The following ZFP62 variants were observed in gnomAD, a reference collection of about 807,000 sequenced individuals.
The protein encoded by ZFP62 is zinc finger protein 62 homolog.
ZFP62 carries 44 observed loss-of-function variants against 56.4 expected under a neutral mutation model. The ratio of observed to expected loss-of-function variants is 0.78; its 90% CI spans 0.61 to 1.00. ZFP62 has a LOEUF of 1.00. Among genes scored for constraint, ZFP62 ranks in the 50% least tolerant of loss-of-function variants. The probability of loss-of-function intolerance (pLI) is 0.00; values close to 1 mark genes in which losing one functional copy is unlikely to be tolerated. For synonymous variants in ZFP62, 421 were observed against 388.9 expected (o/e 1.08, Z -0.97); for missense variants, 1,030 against 1,085.7 (o/e 0.95, Z 0.72).
chr5:180,859,522 A>G (rs1345929573), intron 1 of ZFP62, among the ~76,000 whole-genome samples: 1 of 152,254 alleles, frequency 6.6e-6, no homozygotes, highest in East Asian at 1.9e-4. Context: ...ATATAGAAAT[A>G]AGAATGAAAG....
the ZFP62 span, among the ~76,000 whole-genome samples, chr5:180,838,053 G>T: frequency 1.3e-5 from 2 of 152,170 alleles, no homozygotes. Flanking sequence ...AAACTTAACT[G>T]GACCTGTGTA....
chr5:180,847,552 C>T (rs561357875), downstream of ZFP62: 49 of 979,574 alleles, frequency 5.0e-5, no homozygotes, highest in African/African-American at 7.9e-4. Flanking sequence ...ATAACTTACC[C>T]AACAAAGATC....
chr5:180,840,931 T>C, the ZFP62 span, among the ~76,000 whole-genome samples: 2 of 152,056 alleles, frequency 1.3e-5, no homozygotes, highest in African/African-American at 4.8e-5. Flanking sequence ...TCTTTGTTTT[T>C]AGAGGAAAAA....
chr5:180,847,890 T>C lies in ZFP62; in HGVS notation c.*902A>G, dbSNP rs992708749. On this transcript the variant is annotated 3_prime_UTR_variant, in exon 2 of 2. Coordinates refer to ENST00000502412, the MANE Select transcript of ZFP62 (RefSeq NM_001172638.2). ...AAAATGCGTTCCTTCTCAGCATTTC[T>C]ATTCATAGGAATCCCTGAATCACTT... is the stretch of plus-strand genomic sequence containing the variant. 1 of 985,366 alleles carries C rather than the reference T, an allele frequency of 1.0e-6. No individual in the cohort carries two copies. Among genetic ancestry groups the C allele is most frequent in the Non-Finnish European group, 1.2e-6 (1 of 829,950 alleles). 61.0% of individuals were successfully genotyped at this position (985,366 alleles called of 1,614,324 possible). A position where few individuals can be genotyped will look rare whatever the true frequency, so the allele number is the denominator to read the frequency against.
chr5:180,858,257 CAA>C (rs1159409435), intron 1 of ZFP62, among the ~76,000 whole-genome samples: 2,824 of 40,242 alleles, frequency 0.07, 75 homozygotes, highest in African/African-American at 0.21. Flanking sequence ...AACTCTGTCT[CAA>C]AAAAAAAAAA....
At chr5:180,846,609 C>T (rs1420552152), downstream of ZFP62, among the ~76,000 whole-genome samples, 1 of 23,664 alleles carries the variant, frequency 4.2e-5, no homozygotes, top group Non-Finnish European at 9.3e-5. Context: ...CATCCTAGTT[C>T]CTACTCCTCT....
chr5:180,830,776 G>C, the ZFP62 span: 1 of 152,420 alleles, frequency 6.6e-6, no homozygotes, highest in Non-Finnish European at 1.5e-5. Flanking sequence ...TCAGCAGCTT[G>C]CCACAGGGAA....
chr5:180,843,811 T>C (rs1313165084), downstream of ZFP62, among the ~76,000 whole-genome samples: 1 of 152,252 alleles, frequency 6.6e-6, no homozygotes, highest in Non-Finnish European at 1.5e-5. Flanking sequence ...CTGCAGAACA[T>C]GCATTCTTTT....
At chr5:180,858,257 C>CAAAAAAAAAAAA (rs1159409435) in intron 1 of ZFP62, among the ~76,000 whole-genome samples, 5 of 40,266 alleles carry the variant, frequency 1.2e-4, no homozygotes, top group African/African-American at 3.2e-4. Flanking sequence ...AACTCTGTCT[C>CAAAAAAAAAAAA]AAAAAAAAAA....
At chr5:180,840,907 CA>C in the ZFP62 span, among the ~76,000 whole-genome samples, 1 of 151,754 alleles carries the variant, frequency 6.6e-6, no homozygotes, top group Non-Finnish European at 1.5e-5. Context: ...TCTGTTGTTA[CA>C]TGCTTGAGTC....
the ZFP62 span, among the ~76,000 whole-genome samples, chr5:180,827,625 G>C: frequency 2.5e-4 from 38 of 152,318 alleles, no homozygotes; most frequent in African/African-American, 9.1e-4. Context: ...CCATGTGATA[G>C]TCTGCAATAT....
intron 1 of ZFP62, among the ~76,000 whole-genome samples, chr5:180,854,104 C>G (rs1773851167): frequency 6.6e-6 from 1 of 152,194 alleles, no homozygotes; most frequent in African/African-American, 2.4e-5. Flanking sequence ...TCTAGTACCC[C>G]ATTCTGGGTC....
chr5:180,844,480 A>G (rs779400659), downstream of ZFP62, among the ~76,000 whole-genome samples: 41 of 152,190 alleles, frequency 2.7e-4, no homozygotes, highest in Non-Finnish European at 5.6e-4. Context: ...TTAAGATGGT[A>G]AAAGTCTGGC....
At chr5:180,827,134 G>A in the ZFP62 span, among the ~76,000 whole-genome samples, 1 of 152,190 alleles carries the variant, frequency 6.6e-6, no homozygotes, top group South Asian at 2.1e-4. Flanking sequence ...AACAAGACAA[G>A]CCTCTGTTTC....
chr5:180,844,790 A>G (rs1414013779), downstream of ZFP62, among the ~76,000 whole-genome samples: 4 of 152,162 alleles, frequency 2.6e-5, no homozygotes, highest in African/African-American at 9.7e-5. Context: ...TTTCTTCTCA[A>G]GTTTTGTCTG....
At position 180,851,261 on chromosome 5, in the gene ZFP62, T is replaced by C. The variant is rs970658558; in HGVS notation, c.234A>G (p.Thr78=). ...CTTCCTGTTCTGTCTTTATATTTGCTGTACTCTTGGCTTTGCTGATTGCTT... is the reference window on the plus strand; with the variant it reads ...CTTCCTGTTCTGTCTTTATATTTGCCGTACTCTTGGCTTTGCTGATTGCTT... ...IREAISKAKS[T]ANIKTEQEGE... The change falls in exon 2 of 2, where the codon ACA becomes ACG. Residue 78 remains threonine, a synonymous_variant. Coordinates refer to ENST00000502412, the MANE Select transcript of ZFP62 (RefSeq NM_001172638.2). The C allele has an allele frequency of 6.4e-7, 1 of 1,551,718 alleles. No homozygotes were observed. Among genetic ancestry groups the C allele is most frequent in the Non-Finnish European group, 8.7e-7 (1 of 1,147,002 alleles).
At position 180,848,850 on chromosome 5, in the gene ZFP62, T is replaced by C. The variant is rs1408595319; in HGVS notation, c.2645A>G (p.Lys882Arg). 7 of 1,551,258 alleles carry C rather than the reference T, an allele frequency of 4.5e-6. No homozygotes were observed. Among genetic ancestry groups the C allele is most frequent in the African/African-American group, 1.4e-5 (1 of 73,026 alleles). ...GGCATTCCCTCCCTCATAGGTTCTC[T>C]TCTGGGATGTGCCACTATAACTTCC... The part of the protein sequence containing the change: ...YVGSYSGTSQ[K>R]RTYEGGNALD... Residue 882 changes from lysine to arginine, a missense_variant, in exon 2 of 2, where the codon AAG becomes AGG. Transcript: ENST00000502412.
Position 180,849,171 on chromosome 5 carries a change from T to G in ZFP62, c.2324A>C (p.His775Pro). Residue 775 changes from histidine (H) to proline (P), a missense_variant, in exon 2 of 2, where the codon CAT (histidine) becomes CCT (proline). Physicochemically the swap from His to Pro is moderately conservative, Grantham distance 77 (BLOSUM62 -2). Coordinates refer to ENST00000502412, the MANE Select transcript of ZFP62 (RefSeq NM_001172638.2). ...AFRNSSGLTVHKRIHTGEKPY... is the reference protein window; with the variant it reads ...AFRNSSGLTVPKRIHTGEKPY... ...TTTCTCACCTGTGTGGATCCTTTTA[T>G]GCACTGTGAGGCCTGAGCTGTTCCT... is the stretch of plus-strand genomic sequence containing the variant. 1 of 1,563,966 alleles carries G rather than the reference T, an allele frequency of 6.4e-7. No individual in the cohort carries two copies. Among genetic ancestry groups the G allele is most frequent in the South Asian group, 1.2e-5 (1 of 84,816 alleles).
At position 180,847,678 on chromosome 5, in the gene ZFP62, C is replaced by G. The variant is rs1319732333; in HGVS notation, c.*1114G>C. ...CGCCACAAGGAGCTGGCTTTCATGA[C>G]AAAGAGAGAGTGAGCCCTGAACAAA... is the stretch of plus-strand genomic sequence containing the variant. On this transcript the variant is annotated 3_prime_UTR_variant, in exon 2 of 2. Coordinates refer to ENST00000502412, the MANE Select transcript of ZFP62 (RefSeq NM_001172638.2). 32 of 985,322 alleles carry G rather than the reference C, an allele frequency of 3.2e-5. No individual in the cohort carries two copies. The highest frequency in any genetic ancestry group is 3.6e-5 in the Non-Finnish European group (30 of 829,940). The allele number at this position is 985,322 out of a possible 1,614,324, so 61.0% of individuals were successfully genotyped here.
Sources: allele counts gnomAD v4.1 joint callset (sites outside exome capture counted in the v4.1 genomes callset), GRCh38; gene constraint gnomAD v4.1.1; transcripts MANE v1.5; gene names NCBI Gene and HGNC (gene_info 2026-07-23, HGNC 2026-07-21).